The following SLC35E4 variants were observed in gnomAD, a reference collection of about 807,000 sequenced individuals.
The protein encoded by SLC35E4 is solute carrier family 35, member E4.
SLC35E4 carries 15 observed loss-of-function variants against 19.3 expected under a neutral mutation model. The ratio of observed to expected loss-of-function variants is 0.78; its 90% CI spans 0.52 to 1.20. SLC35E4 has a LOEUF of 1.20. Among genes scored for constraint, SLC35E4 ranks in the 50% most tolerant of loss-of-function variants. The pLI is 0.00. For missense variants in SLC35E4, 406 were observed against 472.3 expected, an observed-to-expected ratio of 0.86 and a Z score of 1.30; for synonymous variants, 219 against 219.9, an observed-to-expected ratio of 1.00 and a Z score of 0.04.
At chr22:30,641,072 G>C (rs193048698) in intron 1 of SLC35E4, among the ~76,000 whole-genome samples, 128 of 152,320 alleles carry the variant, frequency 8.4e-4, no homozygotes, top group Middle Eastern at 6.8e-3. Flanking sequence ...ATGAGCTCTG[G>C]GCATGAGTCT....
At chr22:30,665,902 C>A (rs924992888), downstream of SLC35E4, among the ~76,000 whole-genome samples, 8 of 147,672 alleles carry the variant, frequency 5.4e-5, no homozygotes, top group Admixed American at 1.3e-4. Flanking sequence ...AGAATGAGTT[C>A]TCTGGCAGCG....
chr22:30,665,451 C>A (rs749927674), downstream of SLC35E4: 2 of 461,272 alleles, frequency 4.3e-6, no homozygotes, highest in South Asian at 3.2e-5. Context: ...GTGGCCTTTG[C>A]CCCTGCTGAT....
At chr22:30,641,648 C>T (rs1478219856) in intron 1 of SLC35E4, among the ~76,000 whole-genome samples, 2 of 151,150 alleles carry the variant, frequency 1.3e-5, no homozygotes, top group Admixed American at 1.3e-4. Context: ...TGGTTTCAAG[C>T]AATTCTTGTG....
Position 30,636,098 on chromosome 22 carries a change from A to G in SLC35E4, c.-353A>G. ...CACCCTAATGACCTGGGGACTGAAG[A>G]GAAAAAAGGAACGAGGATTTCATCT... is the stretch of plus-strand genomic sequence containing the variant. On this transcript the variant is annotated 5_prime_UTR_variant, in exon 1 of 2. Transcript: ENST00000343605. The G allele has an allele frequency of 4.1e-6, 1 of 242,312 alleles. No homozygotes were observed. Among genetic ancestry groups the G allele is most frequent in the Middle Eastern group, 1.3e-3 (1 of 774 alleles). The allele number at this position is 242,312 out of a possible 1,614,324, so 15.0% of individuals were successfully genotyped here.
At chr22:30,645,966 G>A (rs1018061226) in intron 1 of SLC35E4, among the ~76,000 whole-genome samples, 5 of 151,854 alleles carry the variant, frequency 3.3e-5, no homozygotes, top group South Asian at 2.1e-4. Context: ...CTAAAGGCAC[G>A]TGCCACCACT....
At chr22:30,652,629 G>T (rs916948742), downstream of SLC35E4, among the ~76,000 whole-genome samples, 3 of 152,208 alleles carry the variant, frequency 2.0e-5, no homozygotes, top group South Asian at 6.2e-4. Context: ...TTTTGCAAAG[G>T]CGGCTTCAGA....
Position 30,636,273 on chromosome 22 carries a change from C to G in SLC35E4, c.-178C>G. On this transcript the variant is annotated 5_prime_UTR_variant, in exon 1 of 2. Transcript: ENST00000343605. ...TGCCCTGTCTGAGCTGGAAACACAG[C>G]TTAGCTTCTAGACATCGCTGGCACA... The G allele has an allele frequency of 1.1e-6, 1 of 938,310 alleles. No individual in the cohort carries two copies. The highest frequency in any genetic ancestry group is 1.5e-6 in the Non-Finnish European group (1 of 660,668). 58.1% of individuals were successfully genotyped at this position (938,310 alleles called of 1,614,324 possible).
At chr22:30,642,891 G>A (rs770014436) in intron 1 of SLC35E4, among the ~76,000 whole-genome samples, 6 of 151,492 alleles carry the variant, frequency 4.0e-5, no homozygotes, top group Non-Finnish European at 8.8e-5. Flanking sequence ...ATAGCCAGGT[G>A]TGGTGGTGGG....
chr22:30,642,475 C>A (rs925035703), intron 1 of SLC35E4, among the ~76,000 whole-genome samples: 3 of 152,066 alleles, frequency 2.0e-5, no homozygotes, highest in East Asian at 1.9e-4. Context: ...TGGTGGCTCA[C>A]GCCTGTAATC....
chr22:30,667,551 A>T (rs957597918), downstream of SLC35E4: 1 of 152,318 alleles, frequency 6.6e-6, no homozygotes, highest in African/African-American at 2.4e-5. Context: ...GAGACCCGTC[A>T]TGATCCCGCA....
chr22:30,636,722 C>A lies in SLC35E4; in HGVS notation c.272C>A (p.Ala91Asp). 6.2e-7 allele frequency: 1 copy of A among 1,611,786 alleles called. No homozygotes were observed. Among genetic ancestry groups the A allele is most frequent in the Non-Finnish European group, 8.5e-7 (1 of 1,179,114 alleles). The change falls in exon 1 of 2, where the codon GCC becomes GAC. Residue 91 changes from alanine to aspartate, a missense_variant. Physicochemically the swap from Ala to Asp is moderately radical, Grantham distance 126. Transcript: ENST00000343605. ...TCGGCCCTGCACATGCTGGTGGCAG[C>A]CCTGGCATGCCACCGGGGGGCACGG... ...LLSALHMLVA[A>D]LACHRGARRP... is the part of the protein sequence containing the mutation.
intron 2 of SLC35E4, among the ~76,000 whole-genome samples, chr22:30,658,713 TCA>T (rs1235415714): frequency 2.0e-5 from 3 of 152,094 alleles, no homozygotes; most frequent in Non-Finnish European, 4.4e-5. Context: ...ATTTGTAGGT[TCA>T]CATGCATGGA....
At chr22:30,637,683 T>C (rs913443295) in intron 1 of SLC35E4, among the ~76,000 whole-genome samples, 2 of 152,208 alleles carry the variant, frequency 1.3e-5, no homozygotes, top group African/African-American at 2.4e-5. Context: ...TATTTAGTGA[T>C]AGCCAGTGAT....
chr22:30,651,399 GTATATATA>G (rs1427700463), downstream of SLC35E4, among the ~76,000 whole-genome samples: 84 of 61,300 alleles, frequency 1.4e-3, no homozygotes, highest in African/African-American at 7.6e-3. Context: ...GTGTGTGTGT[GTATATATA>G]TATATATATA....
At chr22:30,652,263 C>T (rs895570823), downstream of SLC35E4, 3 of 152,170 alleles carry the variant, frequency 2.0e-5, no homozygotes, top group Non-Finnish European at 4.4e-5. Flanking sequence ...GTTTATCAAT[C>T]TGGGTGGTGC....
chr22:30,664,460 C>A (rs1487707753), downstream of SLC35E4, among the ~76,000 whole-genome samples: 1 of 152,240 alleles, frequency 6.6e-6, no homozygotes, highest in African/African-American at 2.4e-5. Flanking sequence ...CATTTAAGCT[C>A]ACAGAGCCCT....
chr22:30,643,318 G>A (rs1416210879), intron 1 of SLC35E4, among the ~76,000 whole-genome samples: 2 of 152,248 alleles, frequency 1.3e-5, no homozygotes, highest in Admixed American at 1.3e-4. Context: ...GATCATGATG[G>A]CAGAAAAGAA....
chr22:30,657,661 T>G (rs2088368269), intron 2 of SLC35E4, among the ~76,000 whole-genome samples: 1 of 151,426 alleles, frequency 6.6e-6, no homozygotes, highest in Non-Finnish European at 1.5e-5. Context: ...TCCCAGTACT[T>G]TGGGAGGCCG....
intron 1 of SLC35E4, among the ~76,000 whole-genome samples, chr22:30,644,979 GAAA>G (rs57035978): frequency 2.0e-5 from 3 of 150,036 alleles, no homozygotes; most frequent in Non-Finnish European, 4.4e-5. Context: ...GTATTAGCAG[GAAA>G]AAAAAAAGAT....
Sources: gnomAD v4.1 joint callset for allele counts (sites outside exome capture counted in the v4.1 genomes callset) on GRCh38, gnomAD v4.1.1 for gene constraint, MANE v1.5 for transcripts, NCBI Gene and HGNC (gene_info 2026-07-23, HGNC 2026-07-21) for gene names.